Variants in ATP2C2 observed in about 807,000 individuals in gnomAD.
The protein encoded by ATP2C2 is calcium-transporting ATPase type 2C member 2.
ATP2C2 carries 171 observed loss-of-function variants against 110.8 expected under a neutral mutation model. The ratio of observed to expected loss-of-function variants is 1.54; its 90% CI spans 1.36 to 1.75. ATP2C2 has a LOEUF of 1.75. Among genes scored for constraint, ATP2C2 ranks in the 40% most tolerant of loss-of-function variants. ATP2C2 has a pLI of 0.00. For missense variants in ATP2C2, 1,963 were observed against 1,235.0 expected, an observed-to-expected ratio of 1.59 and a Z score of -8.84; for synonymous variants, 804 against 508.4, an observed-to-expected ratio of 1.58 and a Z score of -7.82.
intron 6 of ATP2C2, among the ~76,000 whole-genome samples, chr16:84,414,173 G>C (rs1567706932): frequency 6.6e-6 from 1 of 152,206 alleles, no homozygotes; most frequent in Non-Finnish European, 1.5e-5. Flanking sequence ...GAGGAGCTGA[G>C]GGAGCAACAG....
At chr16:84,392,222 A>C (rs1242068259) in intron 1 of ATP2C2, among the ~76,000 whole-genome samples, 1 of 152,186 alleles carries the variant, frequency 6.6e-6, no homozygotes, top group Non-Finnish European at 1.5e-5. Context: ...CTAGCATTTC[A>C]TCTATAAATA....
intron 7 of ATP2C2, among the ~76,000 whole-genome samples, chr16:84,422,093 G>A (rs1443609792): frequency 1.3e-5 from 2 of 152,150 alleles, no homozygotes; most frequent in African/African-American, 4.8e-5. Context: ...ACTCACACAG[G>A]TGTTTTGAAA....
chr16:84,441,766 A>G (rs946304589), intron 14 of ATP2C2, among the ~76,000 whole-genome samples: 2 of 152,176 alleles, frequency 1.3e-5, no homozygotes, highest in African/African-American at 4.8e-5. Context: ...ACTAAAAAAT[A>G]TAAAAATTAG....
chr16:84,411,453 G>GC (rs1213925079), intron 6 of ATP2C2, among the ~76,000 whole-genome samples: 1 of 152,056 alleles, frequency 6.6e-6, no homozygotes, highest in African/African-American at 2.4e-5. Flanking sequence ...TTTTTTTGTT[G>GC]TTTTTTAAGA....
At chr16:84,423,336 C>G (rs143680229) in intron 10 of ATP2C2, 73 bp downstream of exon 10, 1 of 1,408,356 alleles carries the variant, frequency 7.1e-7, no homozygotes, top group East Asian at 2.3e-5. Context: ...GTTGCCATGG[C>G]CGTTTCTCAA....
At position 84,422,623 on chromosome 16, in the gene ATP2C2, A is replaced by G. The variant is rs527830648; in HGVS notation, c.775-6A>G. The G allele has an allele frequency of 6.2e-7, 1 of 1,612,880 alleles. No individual in the cohort carries two copies. Among genetic ancestry groups the G allele is most frequent in the Non-Finnish European group, 8.5e-7 (1 of 1,179,526 alleles). On this transcript the variant is annotated splice_region_variant and splice_polypyrimidine_tract_variant and intron_variant, in intron 8 of 26. Transcript: ENST00000262429. The stretch of plus-strand genomic sequence containing the variant: ...GATTTCATACTTCTCTCTCTCCTGG[A>G]CACAGGGGGTCGTGATTGGAACAGG...
chr16:84,404,781 C>T lies in ATP2C2; in HGVS notation c.211-347C>T, dbSNP rs144698563. The T allele has an allele frequency of 5.5e-4, 198 of 357,230 alleles. 1 individual carries two copies. Among genetic ancestry groups the T allele is most frequent in the African/African-American group, 3.9e-3 (181 of 45,944 alleles). The allele number at this position is 357,230 out of a possible 1,614,324, so 22.1% of individuals were successfully genotyped here. ...AGGAATCGCCACACAGTTTCCATAA[C>T]AGCTGCACCATTTTACATTCCCAAG... On this transcript the variant is annotated intron_variant, in intron 2 of 26. Coordinates refer to ENST00000262429, the MANE Select transcript of ATP2C2 (RefSeq NM_014861.4).
chr16:84,420,361 C>T (rs1005293119), intron 7 of ATP2C2, among the ~76,000 whole-genome samples: 2 of 152,150 alleles, frequency 1.3e-5, no homozygotes, highest in African/African-American at 2.4e-5. Context: ...AACCCACACT[C>T]ACTCCCCACC....
intron 14 of ATP2C2, among the ~76,000 whole-genome samples, chr16:84,441,638 T>G (rs1379612848): frequency 2.0e-5 from 3 of 151,880 alleles, no homozygotes; most frequent in African/African-American, 7.3e-5. Context: ...ATCAAAAATA[T>G]GACCAGGCGT....
At chr16:84,452,841 G>A (rs1376917940) in intron 18 of ATP2C2, among the ~76,000 whole-genome samples, 1 of 152,050 alleles carries the variant, frequency 6.6e-6, no homozygotes, top group Admixed American at 6.6e-5. Flanking sequence ...CTGGTGCTGG[G>A]AAAAGGTTCA....
intron 1 of ATP2C2, among the ~76,000 whole-genome samples, chr16:84,377,751 C>T (rs1036966276): frequency 1.3e-5 from 2 of 152,020 alleles, no homozygotes; most frequent in African/African-American, 4.8e-5. Flanking sequence ...TTGGACAACT[C>T]AGTCCAACAC....
At chr16:84,452,887 G>A (rs1302892477) in intron 18 of ATP2C2, among the ~76,000 whole-genome samples, 7 of 152,170 alleles carry the variant, frequency 4.6e-5, no homozygotes, top group Non-Finnish European at 1.0e-4. Flanking sequence ...AGGTTCCAGT[G>A]TTACTCCTTA....
In ATP2C2 at chr16:84,440,876, A is replaced by T; in HGVS notation, c.1229A>T (p.Asp410Val). 1 of 1,613,372 alleles carries T rather than the reference A, an allele frequency of 6.2e-7. No individual in the cohort carries two copies. Among genetic ancestry groups the T allele is most frequent in the Non-Finnish European group, 8.5e-7 (1 of 1,179,882 alleles). ...LRAEVSGVGY[D>V]GQGTVCLLPS... ...CTGCAGGTCAGCGGAGTTGGGTATG[A>T]CGGTCAAGGGACTGTGTGTCTTCTA... Residue 410 changes from aspartate (D) to valine (V), a missense_variant, in exon 14 of 27, where the codon GAC (aspartate) becomes GTC (valine). Asp to Val is a radical substitution (Grantham distance 152). Transcript: ENST00000262429.
chr16:84,459,217 A>C (rs916515191), intron 22 of ATP2C2, 29 bp downstream of exon 22: 3 of 1,614,192 alleles, frequency 1.9e-6, no homozygotes, highest in East Asian at 4.5e-5. Context: ...TCCGAGTGTC[A>C]TTAAGCACCA....
intron 1 of ATP2C2, among the ~76,000 whole-genome samples, chr16:84,380,380 C>A (rs1011493971): frequency 1.3e-5 from 2 of 152,042 alleles, no homozygotes; most frequent in Non-Finnish European, 2.9e-5. Context: ...TTCCTTCCTT[C>A]TTTTCCTGTC....
chr16:84,458,442 A>G (rs1352813617), intron 21 of ATP2C2, among the ~76,000 whole-genome samples: 1 of 147,354 alleles, frequency 6.8e-6, no homozygotes, highest in Admixed American at 6.8e-5. Flanking sequence ...ACATGTATAC[A>G]TATGTAACTA....
chr16:84,394,745 C>G (rs978066466), intron 1 of ATP2C2, among the ~76,000 whole-genome samples: 6 of 152,086 alleles, frequency 3.9e-5, no homozygotes, highest in Non-Finnish European at 8.8e-5. Flanking sequence ...CAGCCTCTGC[C>G]TCCATCATCA....
At chr16:84,412,108 G>T (rs992834953) in intron 6 of ATP2C2, among the ~76,000 whole-genome samples, 10 of 151,976 alleles carry the variant, frequency 6.6e-5, no homozygotes. Flanking sequence ...CTGCCTCCAG[G>T]GCTCAAGTGA....
At chr16:84,443,842 G>A (rs1909492679) in intron 15 of ATP2C2, among the ~76,000 whole-genome samples, 1 of 152,242 alleles carries the variant, frequency 6.6e-6, no homozygotes, top group Non-Finnish European at 1.5e-5. Flanking sequence ...CCCCCGTGTT[G>A]GTAGATCAGG....
Sources: gnomAD v4.1 joint callset for allele counts (sites outside exome capture counted in the v4.1 genomes callset) on GRCh38, gnomAD v4.1.1 for gene constraint, MANE v1.5 for transcripts, NCBI Gene and HGNC (gene_info 2026-07-23, HGNC 2026-07-21) for gene names.